Variants in INPP4B observed in about 807,000 individuals in gnomAD.
INPP4B encodes the protein inositol polyphosphate-4-phosphatase type II B.
INPP4B carries 55 observed loss-of-function variants against 122.5 expected under a neutral mutation model. The observed-to-expected ratio is 0.45, with a 90% CI of 0.36 to 0.56. The LOEUF (loss-of-function observed/expected upper bound fraction) is 0.56, where lower values mean the gene tolerates loss of function less well. Among genes scored for constraint, INPP4B ranks in the 20% least tolerant of loss-of-function variants. The pLI is 0.00. For missense variants in INPP4B, 1,000 were observed against 1,097.7 expected (o/e 0.91, Z 1.26); for synonymous variants, 403 against 388.7 (o/e 1.04, Z -0.43).
At chr4:142,553,682 G>A (rs1728489092) in intron 2 of INPP4B, among the ~76,000 whole-genome samples, 2 of 152,174 alleles carry the variant, frequency 1.3e-5, no homozygotes, top group Admixed American at 1.3e-4. Flanking sequence ...CCTTGATAAT[G>A]TAACTTGTAT....
chr4:142,069,189 C>T (rs1188875180), intron 25 of INPP4B, among the ~76,000 whole-genome samples: 2 of 151,390 alleles, frequency 1.3e-5, no homozygotes, highest in Non-Finnish European at 2.9e-5. Flanking sequence ...CACTCAAAAC[C>T]GCTCAACTAC....
At chr4:142,495,513 A>AAT (rs113453962) in intron 2 of INPP4B, among the ~76,000 whole-genome samples, 72 of 150,308 alleles carry the variant, frequency 4.8e-4, no homozygotes, top group South Asian at 1.7e-3. Flanking sequence ...ATAAATGGCA[A>AAT]ATATATATAT....
intron 12 of INPP4B, among the ~76,000 whole-genome samples, chr4:142,224,131 T>C (rs1260833089): frequency 1.3e-5 from 2 of 152,114 alleles, no homozygotes; most frequent in Admixed American, 6.6e-5. Flanking sequence ...GCTGGAGAAA[T>C]AGCTAGATAT....
At chr4:142,350,238 G>A (rs1246680665) in intron 7 of INPP4B, among the ~76,000 whole-genome samples, 1 of 151,910 alleles carries the variant, frequency 6.6e-6, no homozygotes, top group Non-Finnish European at 1.5e-5. Context: ...GTATGTCCTT[G>A]CTTTATTTGA....
At chr4:142,583,216 G>C (rs992112332) in intron 2 of INPP4B, among the ~76,000 whole-genome samples, 5 of 151,880 alleles carry the variant, frequency 3.3e-5, no homozygotes, top group Non-Finnish European at 7.4e-5. Flanking sequence ...TTATCTTTAG[G>C]TCAAAACTAC....
intron 7 of INPP4B, among the ~76,000 whole-genome samples, chr4:142,375,577 G>A (rs922422736): frequency 6.6e-6 from 1 of 151,844 alleles, no homozygotes; most frequent in African/African-American, 2.4e-5. Flanking sequence ...ACTATTGGTA[G>A]CCATGGGACA....
intron 2 of INPP4B, among the ~76,000 whole-genome samples, chr4:142,669,388 G>A (rs1466779635): frequency 2.0e-5 from 3 of 151,920 alleles, no homozygotes. Flanking sequence ...AAAGCTGAAG[G>A]CATCATACTA....
intron 7 of INPP4B, among the ~76,000 whole-genome samples, chr4:142,376,999 T>C (rs190089051): frequency 7.9e-5 from 12 of 152,170 alleles, no homozygotes; most frequent in African/African-American, 2.9e-4. Context: ...ATAGCCATAA[T>C]GTTACATTAC....
intron 2 of INPP4B, among the ~76,000 whole-genome samples, chr4:142,685,768 T>G (rs377302370): frequency 6.6e-6 from 1 of 152,020 alleles, no homozygotes; most frequent in Non-Finnish European, 1.5e-5. Context: ...TCAAAAAAAA[T>G]TATTATTAAA....
chr4:142,765,553 T>A (rs1485563210), intron 1 of INPP4B, among the ~76,000 whole-genome samples: 2 of 152,000 alleles, frequency 1.3e-5, no homozygotes, highest in African/African-American at 4.8e-5. Context: ...ATTTCCCCAC[T>A]CTCCTCCAAA....
chr4:142,452,534 T>A (rs1306657598), intron 3 of INPP4B, among the ~76,000 whole-genome samples: 2 of 152,142 alleles, frequency 1.3e-5, no homozygotes, highest in African/African-American at 4.8e-5. Context: ...CAACAGAAGG[T>A]AGAATTGAAG....
chr4:142,042,555 TATG>T (rs1168197619), intron 25 of INPP4B, among the ~76,000 whole-genome samples: 340 of 30,438 alleles, frequency 0.011, no homozygotes, highest in African/African-American at 0.019. Flanking sequence ...TGTATGTATG[TATG>T]TATTTATTTA....
chr4:142,835,029 G>T (rs1231539885), intron 1 of INPP4B, among the ~76,000 whole-genome samples: 3 of 152,228 alleles, frequency 2.0e-5, no homozygotes, highest in Admixed American at 6.5e-5. Context: ...GTTAGTAGTA[G>T]AATCTGACTT....
At chr4:142,773,108 G>A (rs1217474250) in intron 1 of INPP4B, among the ~76,000 whole-genome samples, 1 of 151,980 alleles carries the variant, frequency 6.6e-6, no homozygotes, top group African/African-American at 2.4e-5. Flanking sequence ...TGTTAATAGG[G>A]TCTAAATCTT....
intron 11 of INPP4B, among the ~76,000 whole-genome samples, chr4:142,247,429 T>G (rs1412838159): frequency 6.6e-6 from 1 of 152,144 alleles, no homozygotes; most frequent in Non-Finnish European, 1.5e-5. Flanking sequence ...ATCCTGGTCT[T>G]TTTTTGGTTG....
intron 7 of INPP4B, among the ~76,000 whole-genome samples, chr4:142,369,818 C>T (rs896185647): frequency 1.3e-5 from 2 of 150,842 alleles, no homozygotes; most frequent in Admixed American, 1.3e-4. Context: ...GTAATCCCAG[C>T]TACTTGGGAG....
At chr4:142,602,344 A>G (rs1740202464) in intron 2 of INPP4B, among the ~76,000 whole-genome samples, 1 of 152,184 alleles carries the variant, frequency 6.6e-6, no homozygotes, top group Non-Finnish European at 1.5e-5. Flanking sequence ...ACACAAATAG[A>G]AAAACATTCC....
chr4:142,718,508 C>T (rs1466761119), intron 2 of INPP4B, among the ~76,000 whole-genome samples: 1 of 152,138 alleles, frequency 6.6e-6, no homozygotes, highest in African/African-American at 2.4e-5. Flanking sequence ...CTAGATCAAG[C>T]AAACTTGTGC....
chr4:142,034,082 C>T (rs372268181), intron 25 of INPP4B, among the ~76,000 whole-genome samples: 4 of 152,118 alleles, frequency 2.6e-5, no homozygotes, highest in Non-Finnish European at 2.9e-5. Flanking sequence ...CATTCAGCTC[C>T]GAATATTGAC....
Sources: gnomAD v4.1 joint callset for allele counts (sites outside exome capture counted in the v4.1 genomes callset) on GRCh38, gnomAD v4.1.1 for gene constraint, MANE v1.5 for transcripts, NCBI Gene and HGNC (gene_info 2026-07-23, HGNC 2026-07-21) for gene names.